Variants in CHRM5 observed in about 807,000 individuals in gnomAD.
CHRM5 encodes cholinergic receptor muscarinic 5.
CHRM5 carries 18 observed loss-of-function variants against 39.0 expected under a neutral mutation model. That is an observed-to-expected ratio of 0.46 (90% confidence interval 0.32 to 0.68). The LOEUF (loss-of-function observed/expected upper bound fraction) is 0.68, where lower values mean the gene tolerates loss of function less well. Among genes scored for constraint, CHRM5 ranks in the 30% least tolerant of loss-of-function variants. The pLI, the probability that CHRM5 is intolerant of heterozygous loss-of-function variation, is 0.04. For synonymous variants in CHRM5, 241 were observed against 246.3 expected, an observed-to-expected ratio of 0.98 and a Z score of 0.20; for missense variants, 515 against 651.1, an observed-to-expected ratio of 0.79 and a Z score of 2.28.
At chr15:34,011,575 T>C (rs778262766) in intron 1 of CHRM5, among the ~76,000 whole-genome samples, 2 of 152,156 alleles carry the variant, frequency 1.3e-5, no homozygotes, top group Non-Finnish European at 2.9e-5. Context: ...AAGAAGTATA[T>C]ACAGCTGTCC....
rs763598790 is a variant in CHRM5, at chr15:33,968,721, A to G, written c.-837A>G. The G allele has an allele frequency of 1.3e-5, 2 of 152,152 alleles. No individual in the cohort carries two copies. The highest frequency in any genetic ancestry group is 1.5e-5 in the Non-Finnish European group (1 of 67,986). The allele number at this position is 152,152 out of a possible 1,614,324, so 9.4% of individuals were successfully genotyped here. A position where few individuals can be genotyped will look rare whatever the true frequency, so the allele number is the denominator to read the frequency against. On this transcript the variant is annotated 5_prime_UTR_variant, in exon 1 of 3. Coordinates refer to ENST00000383263, the MANE Select transcript of CHRM5 (RefSeq NM_012125.4). ...GCAAGAACATCCATGCTTCTAGTCC[A>G]GATAATGTTTTTTAAAGCAGCTTGA...
At chr15:34,009,775 G>T (rs1897558324) in intron 1 of CHRM5, among the ~76,000 whole-genome samples, 1 of 152,108 alleles carries the variant, frequency 6.6e-6, no homozygotes, top group Non-Finnish European at 1.5e-5. Flanking sequence ...GGTCGCTTGA[G>T]GCCAGGAGTT....
chr15:34,042,088 G>A (rs973519317), intron 1 of CHRM5, among the ~76,000 whole-genome samples: 4 of 152,154 alleles, frequency 2.6e-5, no homozygotes, highest in African/African-American at 9.7e-5. Flanking sequence ...TGCTGTCCTC[G>A]TGTGATTCTG....
intron 1 of CHRM5, among the ~76,000 whole-genome samples, chr15:34,038,415 G>A (rs1476715037): frequency 6.6e-6 from 1 of 152,194 alleles, no homozygotes; most frequent in African/African-American, 2.4e-5. Context: ...CCGCGCCTCC[G>A]TCCCATAGTG....
In CHRM5 at chr15:34,063,256, T is replaced by C. The variant is rs1340257918; in HGVS notation, c.539T>C (p.Leu180Pro). The C allele has an allele frequency of 6.2e-7, 1 of 1,614,228 alleles. No individual in the cohort carries two copies. The highest frequency in any genetic ancestry group is 1.1e-5 in the South Asian group (1 of 91,080). The change falls in exon 3 of 3, where the codon CTG becomes CCG. Residue 180 changes from leucine (L) to proline (P), a missense_variant. By Grantham distance (98) the Leu-to-Pro change is moderately conservative (BLOSUM62 -3). Coordinates refer to ENST00000383263, the MANE Select transcript of CHRM5 (RefSeq NM_012125.4). This position sits in a 1 kb window ranked among gnomAD's most constrained non-coding sequence, Gnocchi z 4.1. ...QYLVGKRTVP[L>P]DECQIQFLSE... ...TTGGTTGGGAAGCGGACAGTTCCAC[T>C]GGATGAGTGCCAGATCCAGTTTCTC...
intron 1 of CHRM5, among the ~76,000 whole-genome samples, chr15:34,000,451 G>C (rs1046991589): frequency 6.6e-6 from 1 of 152,142 alleles, no homozygotes; most frequent in African/African-American, 2.4e-5. Context: ...CAGAGATGAC[G>C]AACACCAGGA....
At chr15:33,990,297 G>A (rs753580584) in intron 1 of CHRM5, among the ~76,000 whole-genome samples, 2 of 151,096 alleles carry the variant, frequency 1.3e-5, no homozygotes, top group Admixed American at 6.6e-5. Flanking sequence ...CAGGAGAATC[G>A]CTAGAACCTG....
At chr15:33,978,709 G>A (rs1284331284) in intron 1 of CHRM5, among the ~76,000 whole-genome samples, 4 of 151,864 alleles carry the variant, frequency 2.6e-5, no homozygotes, top group Non-Finnish European at 4.4e-5. Context: ...TAAAATTAAG[G>A]TGTACAAATT....
Position 34,063,710 on chromosome 15 carries a change from A to G in CHRM5, c.993A>G (p.Glu331=), listed in dbSNP as rs768972163. The G allele has an allele frequency of 6.2e-7, 1 of 1,614,214 alleles. No homozygotes were observed. Among genetic ancestry groups the G allele is most frequent in the South Asian group, 1.1e-5 (1 of 91,080 alleles). Residue 331 remains glutamate (E), a synonymous_variant, in exon 3 of 3, where the codon GAA becomes GAG. Coordinates refer to ENST00000383263, the MANE Select transcript of CHRM5 (RefSeq NM_012125.4). The surrounding 1 kb of genome is among the most constrained non-coding windows in gnomAD (Gnocchi z 4.1). ...LQVVYKSQGK[E]SPGEEFSAEE... Reference sequence around the variant, plus strand: ...TGGTCTACAAGAGTCAGGGTAAGGAAAGCCCAGGGGAAGAATTCAGTGCTG... The same window carrying G: ...TGGTCTACAAGAGTCAGGGTAAGGAGAGCCCAGGGGAAGAATTCAGTGCTG...
rs368522225 is a variant in CHRM5, at chr15:34,063,091, G to A, written c.374G>A (p.Ser125Asn). 9 of 1,614,032 alleles carry A rather than the reference G, an allele frequency of 5.6e-6. No individual in the cohort carries two copies. In the African/African-American group the frequency reaches 6.7e-5, roughly 12 times the overall value. ...NASVMNLLVI[S>N]FDRYFSITRP... ...TCTGTCATGAACCTTCTGGTGATCA[G>A]TTTTGACCGTTACTTTTCCATCACA... The change falls in exon 3 of 3, where the codon AGT becomes AAT. Residue 125 changes from serine (S) to asparagine (N), a missense_variant. Ser to Asn is a conservative substitution (Grantham distance 46). Coordinates refer to ENST00000383263, the MANE Select transcript of CHRM5 (RefSeq NM_012125.4). The surrounding 1 kb of genome is among the most constrained non-coding windows in gnomAD (Gnocchi z 4.1).
intron 1 of CHRM5, among the ~76,000 whole-genome samples, chr15:33,981,762 T>C (rs1896154951): frequency 6.6e-6 from 1 of 152,190 alleles, no homozygotes; most frequent in African/African-American, 2.4e-5. Flanking sequence ...ATACTAACAC[T>C]GAAGGGCTAT....
intron 1 of CHRM5, among the ~76,000 whole-genome samples, chr15:34,007,948 G>A (rs1217681404): frequency 6.6e-6 from 1 of 152,158 alleles, no homozygotes; most frequent in Non-Finnish European, 1.5e-5. Context: ...ATGAGGACAT[G>A]AGTTATACTG....
intron 2 of CHRM5, among the ~76,000 whole-genome samples, chr15:34,057,126 GTTTTGGTTTT>G (rs1900183255): frequency 1.1e-5 from 1 of 92,322 alleles, no homozygotes; most frequent in African/African-American, 3.1e-5. Flanking sequence ...CAGGAGAAGA[GTTTTGGTTTT>G]TTTTGGTTTT....
At chr15:33,984,344 A>G (rs1194584622) in intron 1 of CHRM5, among the ~76,000 whole-genome samples, 1 of 152,154 alleles carries the variant, frequency 6.6e-6, no homozygotes, top group Non-Finnish European at 1.5e-5. Context: ...AAGTTAATCT[A>G]CATACAAGAT....
Position 34,066,724 on chromosome 15 carries a change from A to T in CHRM5, c.*2408A>T, listed in dbSNP as rs1335467074. On this transcript the variant is annotated 3_prime_UTR_variant, in exon 3 of 3. Transcript: ENST00000383263. Reference sequence around the variant, plus strand: ...CAGCTACTTCAGAGGTTGAAGCAGGAGGATCGCATGAGCCCAGGAGTTAGA... The same window carrying T: ...CAGCTACTTCAGAGGTTGAAGCAGGTGGATCGCATGAGCCCAGGAGTTAGA... 6.6e-6 allele frequency: 1 copy of T among 152,138 alleles called. No individual in the cohort carries two copies. The highest frequency in any genetic ancestry group is 2.4e-5 in the African/African-American group (1 of 41,404). The allele number at this position is 152,138 out of a possible 1,614,324, so 9.4% of individuals were successfully genotyped here.
chr15:34,039,010 G>T (rs1899327951), intron 1 of CHRM5: 3 of 1,120,834 alleles, frequency 2.7e-6, no homozygotes, highest in Admixed American at 9.5e-5. Context: ...CCTGGCCGCC[G>T]CCCACGGCCT....
At chr15:34,017,497 T>TTTTTTTTTTTTTTTTTTTTTTTTTTG (rs1555516619) in intron 1 of CHRM5, among the ~76,000 whole-genome samples, 1 of 133,364 alleles carries the variant, frequency 7.5e-6, no homozygotes, top group Non-Finnish European at 1.7e-5. Context: ...TTTTTTTTTT[T>TTTTTTTTTTTTTTTTTTTTTTTTTTG]TTTGAGACAG....
At chr15:34,027,186 G>A (rs116683600) in intron 1 of CHRM5, among the ~76,000 whole-genome samples, 2,126 of 152,068 alleles carry the variant, frequency 0.014, 61 homozygotes, top group African/African-American at 0.048. Flanking sequence ...GAACAGTAAC[G>A]TGCCCCATTC....
chr15:33,987,216 G>C (rs1002944762), intron 1 of CHRM5, among the ~76,000 whole-genome samples: 1 of 152,194 alleles, frequency 6.6e-6, no homozygotes, highest in African/African-American at 2.4e-5. Flanking sequence ...CAGTGACTAA[G>C]AATGTACAAT....
Sources: gnomAD v4.1 joint callset for allele counts (sites outside exome capture counted in the v4.1 genomes callset) on GRCh38, gnomAD v4.1.1 for gene constraint, Gnocchi (gnomAD v3.1) non-coding constraint, MANE v1.5 for transcripts, NCBI Gene and HGNC (gene_info 2026-07-23, HGNC 2026-07-21) for gene names.